WWC2: variants seen among roughly 807,000 people sequenced by gnomAD.
The protein encoded by WWC2 is WW and C2 domain containing 2.
WWC2 carries 101 observed loss-of-function variants against 138.5 expected under a neutral mutation model. That is an observed-to-expected ratio of 0.73 (90% CI 0.62 to 0.86). The LOEUF (loss-of-function observed/expected upper bound fraction) is 0.86, where lower values mean the gene tolerates loss of function less well. WWC2 is among the 40% of genes least tolerant of loss of function. WWC2 has a pLI of 0.00. For synonymous variants in WWC2, 558 were observed against 538.4 expected (o/e 1.04, Z -0.50); for missense variants, 1,420 against 1,419.4 (o/e 1.00, Z -0.01).
intron 1 of WWC2, among the ~76,000 whole-genome samples, chr4:183,118,711 A>G (rs758490716): frequency 4.6e-5 from 7 of 152,200 alleles, no homozygotes; most frequent in Non-Finnish European, 1.0e-4. Context: ...GGAGGAATGC[A>G]GTAGAAGTGA....
chr4:183,183,784 A>G (rs1487696555), intron 1 of WWC2, among the ~76,000 whole-genome samples: 2 of 151,140 alleles, frequency 1.3e-5, no homozygotes, highest in African/African-American at 4.8e-5. Context: ...CCCTGTCTCA[A>G]AAAAAAAAGA....
Position 183,226,065 on chromosome 4 carries a change from G to A in WWC2, c.523-14118G>A, listed in dbSNP as rs375181605. Among the ~76,000 whole-genome samples, 57 of 150,138 alleles carry A rather than the reference G, an allele frequency of 3.8e-4. 1 individual carries two copies. The East Asian group carries it at 5.8e-3, about 15-fold the overall frequency. Reference sequence around the variant, plus strand: ...CAAAAAGCCGAAAAATGCAGAACTCGTCTGTGAAACTTTTCTTTTCTTTTC... The same window carrying A: ...CAAAAAGCCGAAAAATGCAGAACTCATCTGTGAAACTTTTCTTTTCTTTTC... On this transcript the variant is annotated intron_variant, in intron 4 of 22. Coordinates refer to ENST00000403733, the MANE Select transcript of WWC2 (RefSeq NM_024949.6).
intron 1 of WWC2, among the ~76,000 whole-genome samples, chr4:183,142,193 A>C (rs776031652): frequency 3.9e-5 from 6 of 152,228 alleles, no homozygotes; most frequent in Non-Finnish European, 5.9e-5. Flanking sequence ...TATTCTTGAC[A>C]AGTAGTATAA....
chr4:183,144,682 G>A (rs1334968682), intron 1 of WWC2, among the ~76,000 whole-genome samples: 6 of 150,146 alleles, frequency 4.0e-5, no homozygotes, highest in East Asian at 1.9e-4. Flanking sequence ...TTACTTATTC[G>A]CGATGTCTTA....
chr4:183,312,288 G>C lies in WWC2; in HGVS notation c.3385-53G>C. On this transcript the variant is annotated intron_variant, in intron 21 of 22. Coordinates refer to ENST00000403733, the MANE Select transcript of WWC2 (RefSeq NM_024949.6). ...TTGAAGCTTCATAGGATGTCTCCAGGGATTTCTAATCAGTGTTTTGTGTGT... is the reference window on the plus strand; with the variant it reads ...TTGAAGCTTCATAGGATGTCTCCAGCGATTTCTAATCAGTGTTTTGTGTGT... 2.5e-6 allele frequency: 4 copies of C among 1,596,842 alleles called. No individual in the cohort carries two copies. In the South Asian group the frequency reaches 3.3e-5, roughly 13 times the overall value.
At chr4:183,113,480 CTGTGTGTGTGTGTG>C (rs113602820) in intron 1 of WWC2, among the ~76,000 whole-genome samples, 134 of 143,806 alleles carry the variant, frequency 9.3e-4, no homozygotes, top group South Asian at 5.6e-3. Flanking sequence ...AAGGTGGGGC[CTGTGTGTGTGTGTG>C]TGTGTGTGTG....
intron 2 of WWC2, among the ~76,000 whole-genome samples, chr4:183,200,221 C>T (rs562822059): frequency 4.1e-5 from 1 of 24,138 alleles, no homozygotes; most frequent in African/African-American, 6.5e-5. Context: ...GCCCTTTATT[C>T]ATTTAAGTGT....
intron 16 of WWC2, among the ~76,000 whole-genome samples, chr4:183,274,485 T>C (rs1038952515): frequency 5.9e-5 from 9 of 152,214 alleles, no homozygotes; most frequent in African/African-American, 2.2e-4. Flanking sequence ...TGTGCTGATG[T>C]CCTAATGAGA....
intron 1 of WWC2, among the ~76,000 whole-genome samples, chr4:183,108,976 A>G (rs530948926): frequency 5.9e-4 from 90 of 152,354 alleles, no homozygotes; most frequent in Non-Finnish European, 9.0e-4. Context: ...AGTGTGGACT[A>G]TATATGGCAA....
intron 10 of WWC2, among the ~76,000 whole-genome samples, chr4:183,260,639 G>T (rs76086441): frequency 2.8e-3 from 427 of 152,252 alleles, no homozygotes; most frequent in Middle Eastern, 0.01. Context: ...ACATAGCTTG[G>T]GTGTGCAGTA....
intron 14 of WWC2, among the ~76,000 whole-genome samples, chr4:183,267,290 G>C (rs1329466499): frequency 6.6e-6 from 1 of 152,176 alleles, no homozygotes; most frequent in East Asian, 1.9e-4. Context: ...CCAGTGAGGA[G>C]AGCAGGCATC....
chr4:183,228,838 T>G (rs1736152906), intron 4 of WWC2, among the ~76,000 whole-genome samples: 1 of 152,068 alleles, frequency 6.6e-6, no homozygotes, highest in Admixed American at 6.5e-5. Flanking sequence ...AGTATGTGTC[T>G]GTAGCCTAAT....
rs775869069 is a variant in WWC2, at chr4:183,315,649, C to T, written c.3513-14C>T. Reference sequence around the variant, plus strand: ...ATCATATATAAGTCAATTTATTTCTCACCCCAACTCTAGGGAGAAGATTGC... The same window carrying T: ...ATCATATATAAGTCAATTTATTTCTTACCCCAACTCTAGGGAGAAGATTGC... On this transcript the variant is annotated splice_polypyrimidine_tract_variant and intron_variant, in intron 22 of 22. Coordinates refer to ENST00000403733, the MANE Select transcript of WWC2 (RefSeq NM_024949.6). 6.2e-7 allele frequency: 1 copy of T among 1,607,046 alleles called. No homozygotes were observed. The highest frequency in any genetic ancestry group is 1.7e-5 in the Admixed American group (1 of 59,090).
chr4:183,179,576 G>T (rs1168880180), intron 1 of WWC2, among the ~76,000 whole-genome samples: 1 of 151,822 alleles, frequency 6.6e-6, no homozygotes, highest in African/African-American at 2.4e-5. Flanking sequence ...ACGGAGAGGG[G>T]GCCATCAAGG....
At chr4:183,263,584 C>T (rs576235772) in intron 11 of WWC2, among the ~76,000 whole-genome samples, 1 of 152,314 alleles carries the variant, frequency 6.6e-6, no homozygotes, top group East Asian at 1.9e-4. Flanking sequence ...AGTTGCATGT[C>T]TGAAAACAAG....
At chr4:183,312,141 C>A (rs1739270811) in intron 21 of WWC2, among the ~76,000 whole-genome samples, 200 bp from the exon 22 acceptor site, 1 of 152,108 alleles carries the variant, frequency 6.6e-6, no homozygotes, top group Non-Finnish European at 1.5e-5. Flanking sequence ...AATGAACTTA[C>A]CCCAAAATCA....
chr4:183,238,187 C>G (rs544885908), intron 4 of WWC2, among the ~76,000 whole-genome samples: 1 of 152,302 alleles, frequency 6.6e-6, no homozygotes, highest in East Asian at 1.9e-4. Context: ...CACATTTGGT[C>G]CTGTTCTCCA....
At chr4:183,295,122 C>A (rs1738592742) in intron 21 of WWC2, among the ~76,000 whole-genome samples, 1 of 152,080 alleles carries the variant, frequency 6.6e-6, no homozygotes, top group Admixed American at 6.6e-5. Flanking sequence ...CTTGAGCAGA[C>A]ATATTTTCTG....
chr4:183,128,136 C>T (rs1007162405), intron 1 of WWC2, among the ~76,000 whole-genome samples: 3 of 151,390 alleles, frequency 2.0e-5, no homozygotes, highest in Non-Finnish European at 4.4e-5. Flanking sequence ...GTCAGGAGTT[C>T]GAGACCAGCC....
Sources: gnomAD v4.1 joint callset for allele counts (sites outside exome capture counted in the v4.1 genomes callset) on GRCh38, gnomAD v4.1.1 for gene constraint, MANE v1.5 for transcripts, NCBI Gene and HGNC (gene_info 2026-07-23, HGNC 2026-07-21) for gene names.